Variants in PTK2 observed in about 807,000 individuals in gnomAD.
PTK2 encodes focal adhesion kinase 1.
In PTK2, 45 loss-of-function variants were observed where a neutral mutation model predicts 150.1. That is an observed-to-expected ratio of 0.30 (90% confidence interval 0.24 to 0.38). The LOEUF is 0.38. Ranked by LOEUF, PTK2 falls within the 10% of genes least tolerant of loss-of-function variation. PTK2 has a pLI of 1.00. For missense variants in PTK2, 919 were observed against 1,307.3 expected (o/e 0.70, Z 4.58); for synonymous variants, 432 against 449.2 (o/e 0.96, Z 0.48).
At chr8:140,750,556 C>T (rs1453654937) in intron 17 of PTK2, 2 of 152,170 alleles carry the variant, frequency 1.3e-5, no homozygotes, top group Admixed American at 6.5e-5. Context: ...AAAAGGTTCT[C>T]TATTGGAGGT....
intron 8 of PTK2, among the ~76,000 whole-genome samples, chr8:140,820,076 GTTTTTTTTT>G (rs370537018): frequency 3.0e-4 from 15 of 50,248 alleles, no homozygotes; most frequent in East Asian, 1.3e-3. Context: ...TCTGACTTTG[GTTTTTTTTT>G]TTTTTTTTTT....
chr8:140,878,066 A>G (rs1012518572), intron 4 of PTK2, among the ~76,000 whole-genome samples: 14 of 152,254 alleles, frequency 9.2e-5, no homozygotes, highest in Middle Eastern at 3.4e-3. Context: ...AAACAAAACA[A>G]CACAAAAACC....
chr8:140,808,749 T>A (rs2100099654), intron 10 of PTK2, among the ~76,000 whole-genome samples: 1 of 148,032 alleles, frequency 6.8e-6, no homozygotes, highest in Admixed American at 6.7e-5. Context: ...TTTTTTTTTT[T>A]TTTTGAGATG....
At chr8:140,902,042 T>C (rs1601725415) in intron 2 of PTK2, among the ~76,000 whole-genome samples, 1 of 152,038 alleles carries the variant, frequency 6.6e-6, no homozygotes, top group South Asian at 2.1e-4. Flanking sequence ...CACATTTTTT[T>C]TTTTTTTTGG....
chr8:140,730,953 A>AACCC (rs2100048843), intron 22 of PTK2, among the ~76,000 whole-genome samples: 4 of 96,626 alleles, frequency 4.1e-5, no homozygotes, highest in African/African-American at 7.5e-5. Flanking sequence ...ATTAAATTAA[A>AACCC]CCCCCCCCCC....
At chr8:140,884,698 T>C (rs1056518589) in intron 3 of PTK2, among the ~76,000 whole-genome samples, 4 of 152,080 alleles carry the variant, frequency 2.6e-5, no homozygotes, top group Non-Finnish European at 4.4e-5. Flanking sequence ...CAGTTGTTTA[T>C]AGCATAGTTT....
At chr8:140,710,283 T>A (rs1206296960) in intron 23 of PTK2, among the ~76,000 whole-genome samples, 2 of 146,832 alleles carry the variant, frequency 1.4e-5, no homozygotes, top group Non-Finnish European at 3.0e-5. Context: ...TGACCTGAGA[T>A]CATATCACTG....
chr8:140,902,532 C>T (rs2100158904), intron 2 of PTK2, among the ~76,000 whole-genome samples: 1 of 152,142 alleles, frequency 6.6e-6, no homozygotes, highest in Admixed American at 6.5e-5. Flanking sequence ...GAGGAATTGC[C>T]ACACTGTCTT....
intron 5 of PTK2, among the ~76,000 whole-genome samples, chr8:140,850,181 T>A (rs557864898): frequency 6.6e-6 from 1 of 152,260 alleles, no homozygotes; most frequent in Non-Finnish European, 1.5e-5. Flanking sequence ...ATCCCAGCAC[T>A]TTGGGAGGCC....
chr8:140,708,333 TG>T (rs1407349767), intron 23 of PTK2, among the ~76,000 whole-genome samples: 1 of 152,166 alleles, frequency 6.6e-6, no homozygotes, highest in Admixed American at 6.5e-5. Context: ...CCCCTCTGCC[TG>T]GAATGTCTCC....
intron 3 of PTK2, among the ~76,000 whole-genome samples, chr8:140,888,858 T>C (rs2100153237): frequency 6.6e-6 from 1 of 152,182 alleles, no homozygotes; most frequent in South Asian, 2.1e-4. Flanking sequence ...ATACAATGGT[T>C]TTATTGGAGA....
At chr8:140,771,822 C>G (rs1463443182) in intron 14 of PTK2, among the ~76,000 whole-genome samples, 1 of 151,718 alleles carries the variant, frequency 6.6e-6, no homozygotes, top group Non-Finnish European at 1.5e-5. Flanking sequence ...CTCTTCTCCC[C>G]CAAGCTGGAG....
chr8:140,932,562 G>C (rs993403104), intron 1 of PTK2, among the ~76,000 whole-genome samples: 16 of 152,110 alleles, frequency 1.1e-4, no homozygotes, highest in African/African-American at 3.9e-4. Context: ...GCCATATCTA[G>C]TTTAATTGAA....
intron 5 of PTK2, among the ~76,000 whole-genome samples, chr8:140,858,165 C>G (rs1179339635): frequency 6.6e-6 from 1 of 152,000 alleles, no homozygotes; most frequent in Admixed American, 6.5e-5. Context: ...TTGAGGAGAG[C>G]TGGTAATCTG....
chr8:140,970,250 G>T (rs1047880520), intron 1 of PTK2, among the ~76,000 whole-genome samples: 1 of 152,174 alleles, frequency 6.6e-6, no homozygotes, highest in African/African-American at 2.4e-5. Flanking sequence ...ATAATCCTGT[G>T]TATTTAAAAA....
intron 21 of PTK2, among the ~76,000 whole-genome samples, chr8:140,735,969 A>C (rs1350315361): frequency 6.6e-6 from 1 of 152,218 alleles, no homozygotes; most frequent in Non-Finnish European, 1.5e-5. Flanking sequence ...TGGTTTATTC[A>C]TGGACTGGTC....
At chr8:140,817,616 A>C (rs1343962394) in intron 10 of PTK2, among the ~76,000 whole-genome samples, 2 of 152,144 alleles carry the variant, frequency 1.3e-5, no homozygotes, top group African/African-American at 4.8e-5. Context: ...GATGTATTCC[A>C]TATTTATTTT....
At chr8:140,660,630 G>A (rs1444992151) in intron 31 of PTK2, 5 of 455,240 alleles carry the variant, frequency 1.1e-5, no homozygotes, top group African/African-American at 2.0e-5. Context: ...GGAGGCTGAC[G>A]TGGGAGGACG....
chr8:140,930,938 G>C (rs1273905238), intron 1 of PTK2, among the ~76,000 whole-genome samples: 3 of 151,942 alleles, frequency 2.0e-5, no homozygotes, highest in Admixed American at 6.6e-5. Context: ...GCAGGGTGTG[G>C]TGGCATACAC....
Sources: allele counts gnomAD v4.1 joint callset (sites outside exome capture counted in the v4.1 genomes callset), GRCh38; gene constraint gnomAD v4.1.1; transcripts MANE v1.5; gene names NCBI Gene and HGNC (gene_info 2026-07-23, HGNC 2026-07-21).